The following S100A13 variants were observed in gnomAD, a reference collection of about 807,000 sequenced individuals.
S100A13 encodes the protein S100 calcium binding protein A13.
A neutral mutation model predicts 8.2 loss-of-function variants in S100A13; 6 were observed. That is an observed-to-expected ratio of 0.73 (90% CI 0.40 to 1.44). The LOEUF (loss-of-function observed/expected upper bound fraction) is 1.44, where lower values mean the gene tolerates loss of function less well. S100A13 is among the 40% of genes most tolerant of loss of function. S100A13 has a pLI of 0.02. For synonymous variants in S100A13, 39 were observed against 45.9 expected (o/e 0.85, Z 0.61); for missense variants, 114 against 113.6 (o/e 1.00, Z -0.02).
At chr1:153,627,833 A>G (rs1667761406), upstream of S100A13, 1 of 576,522 alleles carries the variant, frequency 1.7e-6, no homozygotes, top group Non-Finnish European at 3.1e-6. Flanking sequence ...GAGGCAACCA[A>G]TCAAGGGAGC....
chr1:153,632,007 A>G, upstream of S100A13: 2 of 670,456 alleles, frequency 3.0e-6, no homozygotes, highest in Non-Finnish European at 4.7e-6. Flanking sequence ...CCTGCAACTC[A>G]TCTTTCATTA....
upstream of S100A13, chr1:153,628,123 G>A (rs755668709): frequency 3.9e-6 from 6 of 1,550,392 alleles, no homozygotes; most frequent in African/African-American, 8.2e-5. Context: ...CCCCTTACCG[G>A]GCTCAACCAG....
rs1406361074 is a variant in S100A13 at position 153,619,040 on chromosome 1, TGAG to T, written c.154-5_154-3del. 6.2e-6 allele frequency: 10 copies of T among 1,612,946 alleles called. No homozygotes were observed. The highest frequency in any genetic ancestry group is 1.3e-5 in the African/African-American group (1 of 74,834). ...CTTCTCATCAAGAGAGCCCACATCC[TGAG>T]GAGACACCAAAGGGAAGGGTAGAGT... is the stretch of plus-strand genomic sequence containing the variant. On this transcript the variant is annotated splice_polypyrimidine_tract_variant and splice_region_variant and intron_variant, in intron 2 of 2. Transcript: ENST00000476133.
At chr1:153,621,659 T>C (rs1438607156) in intron 2 of S100A13, among the ~76,000 whole-genome samples, 1 of 149,062 alleles carries the variant, frequency 6.7e-6, no homozygotes, top group African/African-American at 2.5e-5. Context: ...TTTCGCTCTT[T>C]GCAATAAATC....
upstream of S100A13, chr1:153,629,527 C>A (rs1279009787): frequency 1.3e-5 from 2 of 152,190 alleles, no homozygotes; most frequent in African/African-American, 2.4e-5. Context: ...GGGAAAGAGG[C>A]CCCCCGGCTT....
At chr1:153,621,681 C>CAAA (rs538835772) in intron 2 of S100A13, among the ~76,000 whole-genome samples, 7 of 142,386 alleles carry the variant, frequency 4.9e-5, no homozygotes, top group African/African-American at 1.8e-4. Context: ...TGCTGCTGCT[C>CAAA]AAAAAAAAAA....
upstream of S100A13, chr1:153,630,773 T>C (rs1251431040): frequency 3.3e-5 from 47 of 1,405,154 alleles, no homozygotes; most frequent in Non-Finnish European, 4.2e-5. Context: ...AGCCTCTTTC[T>C]TTCCTTTCCC....
chr1:153,631,603 C>T (rs1668012503), upstream of S100A13: 2 of 1,613,708 alleles, frequency 1.2e-6, no homozygotes, highest in African/African-American at 1.3e-5. Context: ...TCCTCTCGCT[C>T]ATCTTTGCCT....
intron 2 of S100A13, among the ~76,000 whole-genome samples, chr1:153,619,732 T>A (rs534420067): frequency 6.6e-6 from 1 of 152,130 alleles, no homozygotes; most frequent in Non-Finnish European, 1.5e-5. Flanking sequence ...TAGTTCAACA[T>A]CAAACCAGAG....
At chr1:153,628,238 C>G, upstream of S100A13, 8 of 1,542,326 alleles carry the variant, frequency 5.2e-6, no homozygotes, top group Non-Finnish European at 7.0e-6. Context: ...CCACTGCTGC[C>G]TGGAGAGAAA....
At chr1:153,622,396 C>A (rs1354816360) in intron 2 of S100A13, among the ~76,000 whole-genome samples, 1 of 152,096 alleles carries the variant, frequency 6.6e-6, no homozygotes, top group East Asian at 1.9e-4. Flanking sequence ...ATGAACATGC[C>A]ACTTAACCTA....
At chr1:153,627,411 G>A (rs1571295048) in intron 1 of S100A13, 72 bp downstream of exon 1, 1 of 152,482 alleles carries the variant, frequency 6.6e-6, no homozygotes, top group African/African-American at 2.4e-5. Context: ...GCTGGCTCTG[G>A]GGGAGGGACC....
At chr1:153,626,667 A>G (rs897657175) in intron 1 of S100A13, 134 bp from the exon 2 acceptor site, 2 of 547,066 alleles carry the variant, frequency 3.7e-6, no homozygotes, top group Middle Eastern at 4.9e-4. Context: ...GAGGGAGAGG[A>G]CAGGGGTTGA....
chr1:153,625,804 C>T (rs971809038), intron 2 of S100A13, among the ~76,000 whole-genome samples: 1 of 152,224 alleles, frequency 6.6e-6, no homozygotes, highest in African/African-American at 2.4e-5. Context: ...CCCACTGGCA[C>T]ATAGTATCTT....
upstream of S100A13, chr1:153,632,086 A>C: frequency 1.9e-6 from 1 of 525,474 alleles, no homozygotes; most frequent in Non-Finnish European, 3.4e-6. Flanking sequence ...GGAGACGTGA[A>C]GACTGTTCAC....
In S100A13 at chr1:153,626,501, T is replaced by G. The variant is rs769828455; in HGVS notation, c.-29A>C. 1 of 1,611,016 alleles carries G rather than the reference T, an allele frequency of 6.2e-7. No homozygotes were observed. Among genetic ancestry groups the G allele is most frequent in the Admixed American group, 1.7e-5 (1 of 59,908 alleles). ...GACCCTGAGGCCAAAGCTGATGTCC[T>G]CAAGGGGCTAGCTGACCTTTGTCAG... On this transcript the variant is annotated 5_prime_UTR_variant, in exon 2 of 3. Coordinates refer to ENST00000476133, the MANE Select transcript of S100A13 (RefSeq NM_001024211.2).
At chr1:153,631,132 G>C, upstream of S100A13, 1 of 313,100 alleles carries the variant, frequency 3.2e-6, no homozygotes, top group South Asian at 5.7e-5. Flanking sequence ...AAAAGCATGG[G>C]AGAAAGAAGA....
chr1:153,628,153 T>C (rs1382491011), upstream of S100A13: 4 of 1,550,558 alleles, frequency 2.6e-6, no homozygotes, highest in Non-Finnish European at 3.5e-6. Context: ...CCACAGGTAC[T>C]GCAAGGCCCA....
chr1:153,622,057 C>T (rs1051545344), intron 2 of S100A13, among the ~76,000 whole-genome samples: 12 of 151,076 alleles, frequency 7.9e-5, no homozygotes, highest in Admixed American at 6.6e-5. Context: ...TTTTAGGAGG[C>T]AAATTGGTAA....
Sources: gnomAD v4.1 joint callset for allele counts (sites outside exome capture counted in the v4.1 genomes callset) on GRCh38, gnomAD v4.1.1 for gene constraint, MANE v1.5 for transcripts, NCBI Gene and HGNC (gene_info 2026-07-23, HGNC 2026-07-21) for gene names.